FBXL13: variants seen among roughly 807,000 people sequenced by gnomAD.
FBXL13 encodes the protein F-box and leucine rich repeat protein 13, also known as F-box and leucine-rich repeat protein 13.
Under a neutral mutation model 83.6 loss-of-function variants are expected in FBXL13, and 67 were observed. The observed-to-expected ratio is 0.80, with a 90% CI of 0.66 to 0.98. The LOEUF (loss-of-function observed/expected upper bound fraction) is 0.98, where lower values mean the gene tolerates loss of function less well. Ranked by LOEUF, FBXL13 falls within the 50% of genes least tolerant of loss-of-function variation. The probability of loss-of-function intolerance (pLI) is 0.00; values close to 1 mark genes in which losing one functional copy is unlikely to be tolerated. For synonymous variants in FBXL13, 272 were observed against 299.5 expected (o/e 0.91, Z 0.95); for missense variants, 822 against 866.5 (o/e 0.95, Z 0.64).
chr7:102,822,392 G>T (rs751224543), intron 18 of FBXL13, 189 bp from the exon 20 acceptor site: 6 of 698,042 alleles, frequency 8.6e-6, no homozygotes, highest in Non-Finnish European at 1.6e-5. Flanking sequence ...CCTGCAATTG[G>T]TGTCTTGGGA....
At chr7:103,054,154 G>GCTCACACCTGTAAT (rs373642147) in intron 2 of FBXL13, among the ~76,000 whole-genome samples, 85,666 of 151,832 alleles carry the variant, frequency 0.56, 26,991 homozygotes, top group Non-Finnish European at 0.7. Flanking sequence ...TGAGGCTGAG[G>GCTCACACCTGTAAT]CAGGTGGATT....
chr7:102,924,485 G>C (rs1817676421), intron 10 of FBXL13, among the ~76,000 whole-genome samples: 1 of 152,110 alleles, frequency 6.6e-6, no homozygotes, highest in Admixed American at 6.5e-5. Context: ...AAATTTCAAA[G>C]GGAAAGCTTT....
intron 17 of FBXL13, among the ~76,000 whole-genome samples, chr7:102,845,535 C>T (rs75854590): frequency 0.011 from 1,641 of 152,232 alleles, 33 homozygotes; most frequent in African/African-American, 0.038. Flanking sequence ...GCGGGGACAC[C>T]ACCAACATTC....
At chr7:103,012,594 A>G (rs1791770378) in intron 6 of FBXL13, among the ~76,000 whole-genome samples, 1 of 152,194 alleles carries the variant, frequency 6.6e-6, no homozygotes, top group Admixed American at 6.5e-5. Flanking sequence ...TACTTTTCAG[A>G]CAAGCAAATG....
exon 13 of FBXL13, chr7:102,883,676 C>G (rs761791585): frequency 1.9e-6 from 3 of 1,596,460 alleles, no homozygotes; most frequent in Non-Finnish European, 2.6e-6. Flanking sequence ...GAGCATTTTT[C>G]AACTAAAGCC....
chr7:102,817,477 G>T (rs370370804), intron 19 of FBXL13, among the ~76,000 whole-genome samples: 1 of 150,738 alleles, frequency 6.6e-6, no homozygotes, highest in Non-Finnish European at 1.5e-5. Context: ...TTGTTGATTT[G>T]TTTAAGTTCT....
At position 102,925,856 on chromosome 7, in the gene FBXL13, G is replaced by A. The variant is rs148002164; in HGVS notation, c.878+418C>T. On this transcript the variant is annotated intron_variant, in intron 10 of 19. Coordinates refer to ENST00000313221, the Ensembl canonical transcript of FBXL13. ...CTCAGGAGGCTGACGCATGAGAATC[G>A]CTTGGACCCGGGAGGCGTAGGTTGC... Among the ~76,000 whole-genome samples, 47 of 151,258 alleles carry A rather than the reference G, an allele frequency of 3.1e-4. No homozygotes were observed. The East Asian group carries it at 6.9e-3, about 22-fold the overall frequency.
At chr7:103,068,782 A>C (rs1798638655) in intron 1 of FBXL13, among the ~76,000 whole-genome samples, 1 of 152,206 alleles carries the variant, frequency 6.6e-6, no homozygotes, top group Non-Finnish European at 1.5e-5. Flanking sequence ...CCCATAAGGC[A>C]GTGAGTTCTG....
At chr7:103,019,598 G>A (rs931396018) in intron 6 of FBXL13, among the ~76,000 whole-genome samples, 1 of 152,150 alleles carries the variant, frequency 6.6e-6, no homozygotes, top group East Asian at 1.9e-4. Flanking sequence ...AAGAAGAAAA[G>A]AGGGAAGAAT....
chr7:103,046,183 G>A (rs1396077181), intron 2 of FBXL13, among the ~76,000 whole-genome samples: 3 of 152,124 alleles, frequency 2.0e-5, no homozygotes, highest in Admixed American at 2.0e-4. Flanking sequence ...ATCTACAACT[G>A]AATTTTTATA....
At chr7:102,996,759 A>G (rs1294813628) in intron 6 of FBXL13, among the ~76,000 whole-genome samples, 2 of 152,194 alleles carry the variant, frequency 1.3e-5, no homozygotes, top group Non-Finnish European at 2.9e-5. Flanking sequence ...GTAAAAGAAC[A>G]TGAGGCTGGA....
intron 11 of FBXL13, among the ~76,000 whole-genome samples, chr7:102,885,091 C>G (rs192278682): frequency 2.0e-5 from 3 of 152,166 alleles, no homozygotes; most frequent in African/African-American, 7.2e-5. Context: ...AATATCTACA[C>G]GCATGTACAT....
intron 11 of FBXL13, among the ~76,000 whole-genome samples, chr7:102,895,860 A>T (rs1812188680): frequency 6.6e-6 from 1 of 152,214 alleles, no homozygotes; most frequent in South Asian, 2.1e-4. Context: ...AGAAACACGG[A>T]CATATTTTAG....
At chr7:102,832,479 G>A (rs1800883455) in intron 18 of FBXL13, among the ~76,000 whole-genome samples, 1 of 152,194 alleles carries the variant, frequency 6.6e-6, no homozygotes, top group African/African-American at 2.4e-5. Flanking sequence ...AACACTTTTA[G>A]ATCTAACCTA....
chr7:102,849,901 G>A (rs1374372800), intron 17 of FBXL13, among the ~76,000 whole-genome samples: 7 of 151,686 alleles, frequency 4.6e-5, no homozygotes, highest in African/African-American at 1.5e-4. Context: ...GGTGAGGGGA[G>A]GGAACTCAGA....
intron 6 of FBXL13, among the ~76,000 whole-genome samples, chr7:102,976,528 T>C (rs1827486303): frequency 6.6e-6 from 1 of 152,164 alleles, no homozygotes; most frequent in South Asian, 2.1e-4. Flanking sequence ...CCTCTGGGGC[T>C]TCTTTCTTCT....
At chr7:102,861,463 G>A (rs1244855017) in intron 16 of FBXL13, among the ~76,000 whole-genome samples, 1 of 152,036 alleles carries the variant, frequency 6.6e-6, no homozygotes, top group Non-Finnish European at 1.5e-5. Context: ...CCATTGGGAG[G>A]CACATATGTC....
Position 102,950,149 on chromosome 7 carries a change from A to C in FBXL13, c.724+13384T>G, listed in dbSNP as rs900038464. Among the ~76,000 whole-genome samples, 2 of 152,102 alleles carry C rather than the reference A, an allele frequency of 1.3e-5. 1 individual carries two copies. The highest frequency in any genetic ancestry group is 4.8e-5 in the African/African-American group (2 of 41,428). ...AACAGAAACACAACAATAAGAAAAC[A>C]ACCTGGTTAAAAATGGGCCAAAGAC... On this transcript the variant is annotated intron_variant, in intron 8 of 19. Coordinates refer to ENST00000313221, the Ensembl canonical transcript of FBXL13.
intron 6 of FBXL13, among the ~76,000 whole-genome samples, chr7:102,971,643 G>A (rs1826683694): frequency 6.6e-6 from 1 of 150,710 alleles, no homozygotes; most frequent in Non-Finnish European, 1.5e-5. Flanking sequence ...TAGTACACCT[G>A]TAGTCCCAGC....
Sources: gnomAD v4.1 joint callset for allele counts (sites outside exome capture counted in the v4.1 genomes callset) on GRCh38, gnomAD v4.1.1 for gene constraint, MANE v1.5 for transcripts, NCBI Gene and HGNC (gene_info 2026-07-23, HGNC 2026-07-21) for gene names.